The following ESR1 variants were observed in gnomAD, a reference collection of about 807,000 sequenced individuals.
ESR1 encodes the protein estrogen receptor 1.
A neutral mutation model predicts 52.7 loss-of-function variants in ESR1; 12 were observed. The observed-to-expected ratio is 0.23, with a 90% CI of 0.15 to 0.37. The LOEUF is 0.37. ESR1 is among the 10% of genes least tolerant of loss of function. The pLI is 1.00. For missense variants in ESR1, 584 were observed against 779.7 expected, an observed-to-expected ratio of 0.75 and a Z score of 2.99; for synonymous variants, 305 against 316.8, an observed-to-expected ratio of 0.96 and a Z score of 0.39.
intron 5 of ESR1, among the ~76,000 whole-genome samples, chr6:152,026,273 A>G (rs1041531255): frequency 2.4e-4 from 36 of 152,068 alleles, no homozygotes; most frequent in African/African-American, 8.2e-4. Context: ...TATCTGCTGC[A>G]TAAGTATTTA....
chr6:152,091,356 A>G (rs2050163895), intron 6 of ESR1, among the ~76,000 whole-genome samples: 1 of 152,224 alleles, frequency 6.6e-6, no homozygotes, highest in African/African-American at 2.4e-5. Flanking sequence ...ACTAGGAAGC[A>G]TCTGCTGACA....
intron 2 of ESR1, among the ~76,000 whole-genome samples, chr6:151,790,329 C>G (rs1420800081): frequency 6.6e-6 from 1 of 152,160 alleles, no homozygotes; most frequent in Non-Finnish European, 1.5e-5. Context: ...GGCCAGAGTT[C>G]TCTTATCCTT....
upstream of ESR1, among the ~76,000 whole-genome samples, chr6:151,689,343 A>G (rs1778810823): frequency 1.3e-5 from 2 of 152,304 alleles, no homozygotes; most frequent in South Asian, 2.1e-4. Context: ...AACCCCCACA[A>G]TGCGTTAGTA....
chr6:151,996,693 T>C (rs1363786462), intron 4 of ESR1, among the ~76,000 whole-genome samples: 1 of 152,138 alleles, frequency 6.6e-6, no homozygotes, highest in Non-Finnish European at 1.5e-5. Flanking sequence ...AGGGTAAACG[T>C]AGGACTTTGA....
chr6:151,761,177 A>G (rs1010360953), intron 2 of ESR1, among the ~76,000 whole-genome samples: 3 of 152,138 alleles, frequency 2.0e-5, no homozygotes, highest in East Asian at 1.9e-4. Flanking sequence ...AGCATTAAAA[A>G]AAAAAACTAG....
intron 6 of ESR1, chr6:152,125,160 T>C (rs1271264300): frequency 7.3e-6 from 10 of 1,367,922 alleles, no homozygotes; most frequent in Non-Finnish European, 8.9e-6. Context: ...TAGCAGGGAC[T>C]CAGGCTTCCA....
At chr6:151,701,885 A>T (rs987071349) in exon 2 of ESR1, 1 of 152,318 alleles carries the variant, frequency 6.6e-6, no homozygotes, top group Non-Finnish European at 1.5e-5. Flanking sequence ...GAAGAAGAAA[A>T]CTAGGAAGGA....
chr6:151,979,031 T>G (rs1490309635), intron 4 of ESR1, among the ~76,000 whole-genome samples: 1 of 152,142 alleles, frequency 6.6e-6, no homozygotes, highest in Non-Finnish European at 1.5e-5. Flanking sequence ...AGTATGTAAG[T>G]CGGGAGGAGG....
At chr6:151,913,234 G>C (rs34914682) in intron 3 of ESR1, among the ~76,000 whole-genome samples, 1 of 151,980 alleles carries the variant, frequency 6.6e-6, no homozygotes, top group Non-Finnish European at 1.5e-5. Context: ...CTCCCACCAC[G>C]TGCGGATTTT....
chr6:151,702,441 C>G (rs1238707851), intron 2 of ESR1, among the ~76,000 whole-genome samples: 3 of 152,128 alleles, frequency 2.0e-5, no homozygotes. Flanking sequence ...ATTTCACAAC[C>G]TCCTTCTCCT....
At chr6:151,791,406 G>T (rs995029322) in intron 2 of ESR1, among the ~76,000 whole-genome samples, 1 of 152,154 alleles carries the variant, frequency 6.6e-6, no homozygotes, top group African/African-American at 2.4e-5. Flanking sequence ...AAGCGCCTTT[G>T]CTCTTCCTTT....
intron 2 of ESR1, among the ~76,000 whole-genome samples, chr6:151,857,441 G>A (rs12664629): frequency 0.068 from 10,283 of 151,202 alleles, 744 homozygotes; most frequent in East Asian, 0.24. Flanking sequence ...AGGGGCCACT[G>A]TATATATATA....
intron 1 of ESR1, among the ~76,000 whole-genome samples, chr6:151,657,242 C>T (rs972109760): frequency 6.6e-6 from 1 of 151,870 alleles, no homozygotes; most frequent in Non-Finnish European, 1.5e-5. Context: ...AAAGATGTAG[C>T]AAAATATAGA....
chr6:151,989,874 G>A (rs1227358742), intron 4 of ESR1, among the ~76,000 whole-genome samples: 2 of 151,992 alleles, frequency 1.3e-5, no homozygotes, highest in East Asian at 3.8e-4. Context: ...TAGGGTAGAT[G>A]TACATTTTTT....
intron 2 of ESR1, among the ~76,000 whole-genome samples, chr6:151,762,013 C>T (rs1784694773): frequency 6.6e-6 from 1 of 152,176 alleles, no homozygotes; most frequent in African/African-American, 2.4e-5. Context: ...ATCTTGAGTG[C>T]ACATCAGAAC....
At chr6:151,794,697 C>T (rs911096337) in intron 2 of ESR1, among the ~76,000 whole-genome samples, 1 of 152,080 alleles carries the variant, frequency 6.6e-6, no homozygotes, top group African/African-American at 2.4e-5. Flanking sequence ...TGCAACAATT[C>T]ATTTCCAAAA....
chr6:151,780,906 C>T (rs954482922), intron 2 of ESR1, among the ~76,000 whole-genome samples: 1 of 152,136 alleles, frequency 6.6e-6, no homozygotes, highest in Non-Finnish European at 1.5e-5. Flanking sequence ...ACTTTTTGTA[C>T]CTAGTTTTAA....
intron 2 of ESR1, among the ~76,000 whole-genome samples, chr6:151,762,913 C>A (rs1274402720): frequency 6.6e-6 from 1 of 152,016 alleles, no homozygotes; most frequent in Non-Finnish European, 1.5e-5. Context: ...GCACTCTAGC[C>A]TGGGTGACAG....
At chr6:151,891,037 G>A (rs76194068) in intron 3 of ESR1, among the ~76,000 whole-genome samples, 2 of 151,854 alleles carry the variant, frequency 1.3e-5, no homozygotes, top group Non-Finnish European at 2.9e-5. Flanking sequence ...TTTGCCTTTT[G>A]TATATTTGCT....
Sources: gnomAD v4.1 joint callset for allele counts (sites outside exome capture counted in the v4.1 genomes callset) on GRCh38, gnomAD v4.1.1 for gene constraint, MANE v1.5 for transcripts, NCBI Gene and HGNC (gene_info 2026-07-23, HGNC 2026-07-21) for gene names.